The following USP32 variants were observed in gnomAD, a reference collection of about 807,000 sequenced individuals.
USP32 encodes the protein ubiquitin carboxyl-terminal hydrolase 32.
A neutral mutation model predicts 204.8 loss-of-function variants in USP32; 59 were observed. The ratio of observed to expected loss-of-function variants is 0.29; its 90% CI spans 0.23 to 0.36. The LOEUF is 0.36. Ranked by LOEUF, USP32 falls within the 10% of genes least tolerant of loss-of-function variation. The pLI, the probability that USP32 is intolerant of heterozygous loss-of-function variation, is 1.00. For missense variants in USP32, 1,160 were observed against 1,946.4 expected, an observed-to-expected ratio of 0.60 and a Z score of 7.60; for synonymous variants, 517 against 678.4, an observed-to-expected ratio of 0.76 and a Z score of 3.70.
intron 12 of USP32, among the ~76,000 whole-genome samples, chr17:60,228,892 T>C (rs2085471079): frequency 6.6e-6 from 1 of 151,720 alleles, no homozygotes; most frequent in African/African-American, 2.4e-5. Context: ...GGTCTCAAAC[T>C]CTAGCCTCAG....
chr17:60,351,811 A>G (rs1376990866), intron 1 of USP32, among the ~76,000 whole-genome samples: 2 of 152,244 alleles, frequency 1.3e-5, no homozygotes, highest in Non-Finnish European at 2.9e-5. Context: ...AAAATTTAGT[A>G]GAAAAGACAG....
chr17:60,355,738 A>T (rs1396899179), intron 1 of USP32, among the ~76,000 whole-genome samples: 2 of 150,894 alleles, frequency 1.3e-5, no homozygotes, highest in Non-Finnish European at 2.9e-5. Flanking sequence ...CAGGAGACTA[A>T]GGTGGGAGGA....
chr17:60,391,966 T>C lies in USP32; in HGVS notation c.-27A>G, dbSNP rs758513771. 1 of 1,590,472 alleles carries C rather than the reference T, an allele frequency of 6.3e-7. No individual in the cohort carries two copies. Among genetic ancestry groups the C allele is most frequent in the South Asian group, 1.1e-5 (1 of 88,358 alleles). On this transcript the variant is annotated 5_prime_UTR_variant, in exon 1 of 34. Transcript: ENST00000300896. ...CTCCCCTCATCCCCTCGGCGGGGGG[T>C]CGGAGCCTGATCTCGCCCCCACCCC... is the stretch of plus-strand genomic sequence containing the variant.
At chr17:60,185,694 C>G (rs1304682466) in intron 29 of USP32, 43 bp from the exon 30 acceptor site, 1 of 1,577,614 alleles carries the variant, frequency 6.3e-7, no homozygotes, top group Admixed American at 1.7e-5. Context: ...CGTGGGAAGG[C>G]ATTTAAAGTG....
At chr17:60,183,928 C>G (rs2145367424) in intron 30 of USP32, among the ~76,000 whole-genome samples, 1 of 152,280 alleles carries the variant, frequency 6.6e-6, no homozygotes, top group East Asian at 1.9e-4. Flanking sequence ...CAAAATTCAT[C>G]AAACTGGATA....
chr17:60,231,634 T>C (rs758893607), intron 12 of USP32: 11 of 512,046 alleles, frequency 2.1e-5, no homozygotes, highest in East Asian at 5.5e-5. Flanking sequence ...CCAAAGCCCA[T>C]GGGAGAGAGG....
chr17:60,398,985 A>C (rs1302870322), intron 1 of USP32, among the ~76,000 whole-genome samples: 3 of 152,134 alleles, frequency 2.0e-5, no homozygotes, highest in Non-Finnish European at 4.4e-5. Context: ...TCTTTAAAAA[A>C]TAAAATAATA....
In USP32 at chr17:60,185,610, C is replaced by A; in HGVS notation, c.3684G>T (p.Ala1228=). The change falls in exon 30 of 34, where the codon GCG becomes GCT. Residue 1228 remains alanine, a synonymous_variant. Coordinates refer to ENST00000300896, the MANE Select transcript of USP32 (RefSeq NM_032582.4). ...EHESVEQSRR[A]QAEPINLDSC... Reference sequence around the variant, plus strand: ...TGTCCAGGTTGATGGGCTCGGCTTGCGCTCGCCGACTCTGCTCCACACTCT... The same window carrying A: ...TGTCCAGGTTGATGGGCTCGGCTTGAGCTCGCCGACTCTGCTCCACACTCT... 1 of 1,611,890 alleles carries A rather than the reference C, an allele frequency of 6.2e-7. No homozygotes were observed. Among genetic ancestry groups the A allele is most frequent in the Non-Finnish European group, 8.5e-7 (1 of 1,179,772 alleles).
chr17:60,356,012 ACAGT>A lies in USP32; in HGVS notation c.59-10408_59-10405del, dbSNP rs1455591769. Among the ~76,000 whole-genome samples, 7 of 152,198 alleles carry A rather than the reference ACAGT, an allele frequency of 4.6e-5. No homozygotes were observed. In the South Asian group the frequency reaches 1.2e-3, roughly 27 times the overall value. The stretch of plus-strand genomic sequence containing the variant: ...AAATCTCCCTAAGCTGTAAAAACCA[ACAGT>A]CAAACAGCCACTGAAGGAGGCAGAA... On this transcript the variant is annotated intron_variant, in intron 1 of 33. Coordinates refer to ENST00000300896, the MANE Select transcript of USP32 (RefSeq NM_032582.4).
At chr17:60,394,296 G>A (rs555967587), upstream of USP32, among the ~76,000 whole-genome samples, 1 of 152,124 alleles carries the variant, frequency 6.6e-6, no homozygotes, top group Non-Finnish European at 1.5e-5. Flanking sequence ...CAGCTGTGAG[G>A]GAGAAAAACC....
intron 9 of USP32, among the ~76,000 whole-genome samples, chr17:60,262,527 G>T (rs549754870): frequency 6.6e-6 from 1 of 152,220 alleles, no homozygotes; most frequent in East Asian, 1.9e-4. Context: ...CCGTTTAAAT[G>T]TGGCCCTGAT....
At chr17:60,251,377 T>C (rs546463214) in intron 11 of USP32, among the ~76,000 whole-genome samples, 24 of 152,242 alleles carry the variant, frequency 1.6e-4, no homozygotes, top group Non-Finnish European at 2.9e-4. Context: ...AATTGGCATG[T>C]CCTGTTTAAA....
At chr17:60,248,970 T>C (rs765360936) in intron 11 of USP32, 2 of 152,238 alleles carry the variant, frequency 1.3e-5, no homozygotes, top group African/African-American at 2.4e-5. Flanking sequence ...TTTTGTTTTG[T>C]TTTACGACTT....
intron 9 of USP32, among the ~76,000 whole-genome samples, chr17:60,257,806 T>A (rs568665951): frequency 2.6e-5 from 4 of 152,158 alleles, no homozygotes; most frequent in Admixed American, 6.5e-5. Flanking sequence ...GTTTTTTTTT[T>A]CCTTCAATCT....
intron 1 of USP32, among the ~76,000 whole-genome samples, chr17:60,414,921 G>T (rs1020627937): frequency 7.9e-5 from 12 of 150,986 alleles, no homozygotes; most frequent in Non-Finnish European, 1.6e-4. Flanking sequence ...TGCAATCTCA[G>T]CTAGCTGCAA....
intron 9 of USP32, among the ~76,000 whole-genome samples, chr17:60,264,881 A>AAAAAAAAG (rs1555604168): frequency 7.1e-6 from 1 of 141,656 alleles, no homozygotes; most frequent in African/African-American, 2.8e-5. Flanking sequence ...AAAAAAAAAA[A>AAAAAAAAG]AGAGAGAGAG....
rs914011851 is a variant in USP32, at chr17:60,384,067, G to A, written c.58+7815C>T. ...ACCAAACTAATAAAACTTGGTGACA[G>A]ATTCTAACTGGAGATAAGGGGATAT... On this transcript the variant is annotated intron_variant, in intron 1 of 33. Transcript: ENST00000300896. Among the ~76,000 whole-genome samples, 5 of 152,312 alleles carry A rather than the reference G, an allele frequency of 3.3e-5. No homozygotes were observed. The East Asian group carries it at 9.6e-4, about 29-fold the overall frequency.
At chr17:60,276,003 G>GT (rs2086831094) in intron 5 of USP32, among the ~76,000 whole-genome samples, 1 of 151,914 alleles carries the variant, frequency 6.6e-6, no homozygotes, top group South Asian at 2.1e-4. Context: ...TTTAAACTAA[G>GT]TAACTAATTC....
chr17:60,241,400 G>A (rs1231450405), intron 11 of USP32, among the ~76,000 whole-genome samples: 3 of 152,022 alleles, frequency 2.0e-5, no homozygotes, highest in Non-Finnish European at 4.4e-5. Flanking sequence ...ACCAGACAAT[G>A]GCAAATATAT....
Sources: gnomAD v4.1 joint callset for allele counts (sites outside exome capture counted in the v4.1 genomes callset) on GRCh38, gnomAD v4.1.1 for gene constraint, MANE v1.5 for transcripts, NCBI Gene and HGNC (gene_info 2026-07-23, HGNC 2026-07-21) for gene names.